Variants in IGFL2 observed in about 807,000 individuals in gnomAD.
IGFL2 encodes IGF like family member 2.
A neutral mutation model predicts 13.9 loss-of-function variants in IGFL2; 7 were observed. The ratio of observed to expected loss-of-function variants is 0.51; its 90% CI spans 0.29 to 0.95. The LOEUF is 0.95. Ranked by LOEUF, IGFL2 falls within the 40% of genes least tolerant of loss-of-function variation. The probability of loss-of-function intolerance (pLI) is 0.08; values close to 1 mark genes in which losing one functional copy is unlikely to be tolerated. For missense variants in IGFL2, 138 were observed against 147.8 expected, an observed-to-expected ratio of 0.93 and a Z score of 0.34; for synonymous variants, 55 against 55.8, an observed-to-expected ratio of 0.99 and a Z score of 0.07.
At chr19:46,094,275 C>T in the IGFL2 span, among the ~76,000 whole-genome samples, 1 of 151,804 alleles carries the variant, frequency 6.6e-6, no homozygotes, top group African/African-American at 2.4e-5. Context: ...GAAATAGACC[C>T]ACACAAAAAT....
chr19:46,127,562 C>G, the IGFL2 span, among the ~76,000 whole-genome samples: 1 of 152,086 alleles, frequency 6.6e-6, no homozygotes, highest in Non-Finnish European at 1.5e-5. Flanking sequence ...TGAAAATTAT[C>G]AATCCTCCCA....
the IGFL2 span, among the ~76,000 whole-genome samples, chr19:46,185,542 T>C: frequency 6.6e-6 from 1 of 152,252 alleles, no homozygotes; most frequent in Admixed American, 6.5e-5. Context: ...TGTGGGAGTC[T>C]AGCAGTCACA....
At chr19:46,108,670 GC>G in the IGFL2 span, among the ~76,000 whole-genome samples, 2 of 152,110 alleles carry the variant, frequency 1.3e-5, no homozygotes, top group Non-Finnish European at 2.9e-5. Context: ...GGTGGTACTT[GC>G]CACCAAGGTG....
At chr19:46,188,380 A>G in the IGFL2 span, among the ~76,000 whole-genome samples, 1 of 152,022 alleles carries the variant, frequency 6.6e-6, no homozygotes, top group Non-Finnish European at 1.5e-5. Flanking sequence ...TGAAAGGTCC[A>G]TCCCCAGCCA....
chr19:46,156,022 GC>G (rs1973807308), intron 1 of IGFL2, among the ~76,000 whole-genome samples: 1 of 152,078 alleles, frequency 6.6e-6, no homozygotes, highest in South Asian at 2.1e-4. Context: ...TCACTGTGTT[GC>G]CCAGGCTGGT....
chr19:46,190,295 T>C, the IGFL2 span: 1 of 152,208 alleles, frequency 6.6e-6, no homozygotes, highest in East Asian at 1.9e-4. Flanking sequence ...CTGTCCTCAG[T>C]TGTCTGGAAA....
the IGFL2 span, chr19:46,112,149 T>G: frequency 6.6e-6 from 1 of 152,214 alleles, no homozygotes; most frequent in Non-Finnish European, 1.5e-5. Context: ...CAGCTAACTT[T>G]CAAAAGGCAG....
chr19:46,153,950 A>G (rs968519117), intron 1 of IGFL2, among the ~76,000 whole-genome samples: 2 of 151,846 alleles, frequency 1.3e-5, no homozygotes, highest in African/African-American at 4.8e-5. Flanking sequence ...TAAGCCCCGC[A>G]TGCATTAGGT....
the IGFL2 span, among the ~76,000 whole-genome samples, chr19:46,090,005 C>T: frequency 2.6e-5 from 4 of 152,092 alleles, no homozygotes; most frequent in Non-Finnish European, 4.4e-5. Context: ...GATGCTGTCT[C>T]ATAAATCCCA....
chr19:46,083,961 G>T, the IGFL2 span, among the ~76,000 whole-genome samples: 1 of 152,130 alleles, frequency 6.6e-6, no homozygotes, highest in Non-Finnish European at 1.5e-5. Flanking sequence ...ACCTGCTTTT[G>T]CTTTTTCCTA....
At chr19:46,197,222 T>C in the IGFL2 span, 1 of 205,592 alleles carries the variant, frequency 4.9e-6, no homozygotes. Flanking sequence ...GCGTCCCTCA[T>C]GGTGAAGATG....
chr19:46,185,389 A>G, the IGFL2 span, among the ~76,000 whole-genome samples: 7 of 152,232 alleles, frequency 4.6e-5, no homozygotes, highest in African/African-American at 1.7e-4. Context: ...GCTCAGAATC[A>G]GAGACATGGG....
At chr19:46,132,956 G>A in the IGFL2 span, among the ~76,000 whole-genome samples, 1 of 152,064 alleles carries the variant, frequency 6.6e-6, no homozygotes, top group African/African-American at 2.4e-5. Flanking sequence ...GAGAGACAAG[G>A]CACCCTAAGT....
chr19:46,083,531 G>A, the IGFL2 span, among the ~76,000 whole-genome samples: 117 of 152,256 alleles, frequency 7.7e-4, 4 homozygotes, highest in South Asian at 0.023. Flanking sequence ...GAGGAGGTGC[G>A]ATGAGAGAAT....
At chr19:46,176,443 G>C in the IGFL2 span, among the ~76,000 whole-genome samples, 76 of 151,706 alleles carry the variant, frequency 5.0e-4, no homozygotes, top group Non-Finnish European at 8.2e-4. Context: ...CAGGAAAACA[G>C]TGAGAGAGAA....
the IGFL2 span, among the ~76,000 whole-genome samples, chr19:46,083,997 TTTTG>T: frequency 2.0e-5 from 3 of 152,240 alleles, no homozygotes; most frequent in Admixed American, 1.3e-4. Flanking sequence ...TGTGTTTCCA[TTTTG>T]TTTGTCTCAA....
the IGFL2 span, among the ~76,000 whole-genome samples, chr19:46,082,211 C>T: frequency 6.6e-6 from 1 of 152,158 alleles, no homozygotes; most frequent in African/African-American, 2.4e-5. Flanking sequence ...TTTTCTGTTT[C>T]CCCATACCTG....
At chr19:46,186,265 G>A in the IGFL2 span, among the ~76,000 whole-genome samples, 20 of 152,166 alleles carry the variant, frequency 1.3e-4, no homozygotes, top group Admixed American at 1.2e-3. Flanking sequence ...CACCCCCGCC[G>A]ACCTGAAGAC....
the IGFL2 span, among the ~76,000 whole-genome samples, chr19:46,166,939 G>T: frequency 4.6e-5 from 7 of 151,952 alleles, no homozygotes; most frequent in African/African-American, 1.5e-4. Context: ...TACAATTTTT[G>T]TAGTTAACAC....
Sources: gnomAD v4.1 joint callset for allele counts (sites outside exome capture counted in the v4.1 genomes callset) on GRCh38, gnomAD v4.1.1 for gene constraint, MANE v1.5 for transcripts, NCBI Gene and HGNC (gene_info 2026-07-23, HGNC 2026-07-21) for gene names.